TRPM8: variants seen among roughly 807,000 people sequenced by gnomAD.
The protein encoded by TRPM8 is TRPM8 cationic channel.
A neutral mutation model predicts 133.7 loss-of-function variants in TRPM8; 110 were observed. That is an observed-to-expected ratio of 0.82 (90% CI 0.70 to 0.96). The LOEUF is 0.96. TRPM8 is among the 40% of genes least tolerant of loss of function. The probability of loss-of-function intolerance (pLI) is 0.00; values close to 1 mark genes in which losing one functional copy is unlikely to be tolerated. For missense variants in TRPM8, 1,291 were observed against 1,379.5 expected (o/e 0.94, Z 1.02); for synonymous variants, 535 against 532.3 (o/e 1.01, Z -0.07).
At chr2:233,950,460 A>T (rs1465333638) in intron 9 of TRPM8, among the ~76,000 whole-genome samples, 1 of 152,246 alleles carries the variant, frequency 6.6e-6, no homozygotes, top group Non-Finnish European at 1.5e-5. Flanking sequence ...GAGACACAAG[A>T]ATCTGACAAA....
At chr2:233,978,081 C>CTTTAT (rs1553664210) in intron 17 of TRPM8, among the ~76,000 whole-genome samples, 1 of 126,958 alleles carries the variant, frequency 7.9e-6, no homozygotes. Context: ...TTACAATTTG[C>CTTTAT]TTTTTTTTTT....
At chr2:233,983,965 G>C (rs1692077811) in intron 20 of TRPM8, among the ~76,000 whole-genome samples, 1 of 152,148 alleles carries the variant, frequency 6.6e-6, no homozygotes, top group Admixed American at 6.5e-5. Context: ...CAAGACCTTA[G>C]AAACAGCTCT....
chr2:233,957,625 CA>C (rs1249610476), intron 11 of TRPM8, among the ~76,000 whole-genome samples: 1 of 152,010 alleles, frequency 6.6e-6, no homozygotes, highest in Non-Finnish European at 1.5e-5. Flanking sequence ...CAAAAGATAT[CA>C]TTTTTTAATT....
intron 21 of TRPM8, among the ~76,000 whole-genome samples, chr2:233,993,936 T>A (rs993261526): frequency 6.6e-6 from 1 of 152,238 alleles, no homozygotes; most frequent in African/African-American, 2.4e-5. Flanking sequence ...TAATCCATTT[T>A]TTGACTAGAT....
chr2:233,996,425 C>A lies in TRPM8; in HGVS notation c.3039C>A (p.Phe1013Leu). The A allele has an allele frequency of 6.2e-7, 1 of 1,614,198 alleles. No individual in the cohort carries two copies. Among genetic ancestry groups the A allele is most frequent in the South Asian group, 1.1e-5 (1 of 91,084 alleles). ...ACTGCAGCCGCCTCAATATCCCCTT[C>A]CCCTTCATCGTCTTCGCTTACTTCT... ...QEYCSRLNIP[F>L]PFIVFAYFYM... The change falls in exon 22 of 26, where the codon TTC becomes TTA. Residue 1013 changes from phenylalanine to leucine, a missense_variant. Phe to Leu is a conservative substitution (Grantham distance 22). Coordinates refer to ENST00000324695, the MANE Select transcript of TRPM8 (RefSeq NM_024080.5).
At position 233,994,328 on chromosome 2, in the gene TRPM8, C is replaced by T. The variant is rs78728938; in HGVS notation, c.2940-1998C>T. Among the ~76,000 whole-genome samples the T allele has an allele frequency of 4.2e-3, 646 of 152,248 alleles. 5 individuals are homozygous for T. The highest frequency in any genetic ancestry group is 0.018 in the East Asian group (91 of 5,176). On this transcript the variant is annotated intron_variant, in intron 21 of 25. Coordinates refer to ENST00000324695, the MANE Select transcript of TRPM8 (RefSeq NM_024080.5). The stretch of plus-strand genomic sequence containing the variant: ...CAGCCTGACCTACATTTGGAAGAAA[C>T]GCCAGGCTGGCTGCTAGATTTGACT...
intron 17 of TRPM8, among the ~76,000 whole-genome samples, chr2:233,972,568 G>A (rs1376256411): frequency 6.6e-6 from 1 of 152,244 alleles, no homozygotes; most frequent in Non-Finnish European, 1.5e-5. Flanking sequence ...CACTGAGGGG[G>A]TGGGAGGCTC....
At position 233,965,656 on chromosome 2, in the gene TRPM8, T is replaced by A. The variant is rs1691549181; in HGVS notation, c.1879+899T>A. Among the ~76,000 whole-genome samples the A allele has an allele frequency of 2.0e-5, 3 of 152,178 alleles. 1 individual carries two copies. ...TAAACATGCTCATGAGTTTAGCTTGTCCATGTTGGAAAAAAGATGTCTAAT... is the reference window on the plus strand; with the variant it reads ...TAAACATGCTCATGAGTTTAGCTTGACCATGTTGGAAAAAAGATGTCTAAT... On this transcript the variant is annotated intron_variant, in intron 14 of 25. Transcript: ENST00000324695.
At chr2:233,948,266 A>G (rs1231331603) in intron 8 of TRPM8, among the ~76,000 whole-genome samples, 4 of 152,206 alleles carry the variant, frequency 2.6e-5, no homozygotes, top group Non-Finnish European at 4.4e-5. Flanking sequence ...GAAATTTACA[A>G]TTGAGATCAT....
chr2:233,930,474 T>C (rs1173705001), intron 2 of TRPM8, among the ~76,000 whole-genome samples, 194 bp from the exon 3 acceptor site: 1 of 152,220 alleles, frequency 6.6e-6, no homozygotes, highest in African/African-American at 2.4e-5. Context: ...CATTTAGTTA[T>C]AAAAATTTTA....
At chr2:234,007,862 T>C (rs1021352714) in intron 23 of TRPM8, among the ~76,000 whole-genome samples, 9 of 152,240 alleles carry the variant, frequency 5.9e-5, no homozygotes, top group South Asian at 2.1e-4. Context: ...TGTGCTGCAC[T>C]TCTAATTGTG....
At chr2:234,000,898 G>A (rs1335264716) in intron 22 of TRPM8, among the ~76,000 whole-genome samples, 3 of 152,160 alleles carry the variant, frequency 2.0e-5, no homozygotes, top group Admixed American at 6.5e-5. Flanking sequence ...GAATGGTCTC[G>A]AACTCCTGGC....
chr2:233,976,994 AAAAAAAG>A (rs1487781401), intron 17 of TRPM8, among the ~76,000 whole-genome samples: 1 of 152,050 alleles, frequency 6.6e-6, no homozygotes, highest in Non-Finnish European at 1.5e-5. Context: ...TTGTTAGGGG[AAAAAAAG>A]AAAAAAGAAC....
intron 22 of TRPM8, among the ~76,000 whole-genome samples, chr2:233,998,477 T>G (rs1044432518): frequency 6.6e-6 from 1 of 152,142 alleles, no homozygotes; most frequent in East Asian, 1.9e-4. Context: ...CCAGTTAGGG[T>G]GAGCAGCCTG....
chr2:234,002,937 G>A (rs910890935), intron 22 of TRPM8, among the ~76,000 whole-genome samples: 4 of 152,098 alleles, frequency 2.6e-5, no homozygotes, highest in African/African-American at 9.7e-5. Flanking sequence ...GTTCCATAGA[G>A]GGCTGATTAT....
chr2:233,971,362 T>G (rs912203817), intron 17 of TRPM8, among the ~76,000 whole-genome samples: 3 of 152,230 alleles, frequency 2.0e-5, no homozygotes, highest in Admixed American at 6.5e-5. Context: ...CTAGCCGTCC[T>G]GGGTTGAGAA....
chr2:233,955,337 C>A lies in TRPM8; in HGVS notation c.1362+87C>A, dbSNP rs948954734. 5.5e-6 allele frequency: 5 copies of A among 910,836 alleles called. No homozygotes were observed. The African/African-American group carries it at 6.6e-5, about 12-fold the overall frequency. The allele number at this position is 910,836 out of a possible 1,614,324, so 56.4% of individuals were successfully genotyped here. On this transcript the variant is annotated intron_variant, in intron 11 of 25. Transcript: ENST00000324695. ...TCTGATCCATTTCCAACAAGGTCTT[C>A]AATACCAAATCTCTTAAAGGATTGT...
In TRPM8 at chr2:234,017,932, A is replaced by G. The variant is rs1294855502; in HGVS notation, c.*676A>G. ...TCCTAAATATGTGAAAAGTCGCCCA[A>G]AATGCAACCTTGAAAGGCACTACTG... On this transcript the variant is annotated 3_prime_UTR_variant, in exon 26 of 26. Coordinates refer to ENST00000324695, the MANE Select transcript of TRPM8 (RefSeq NM_024080.5). 2 of 152,166 alleles carry G rather than the reference A, an allele frequency of 1.3e-5. No homozygotes were observed. Among genetic ancestry groups the G allele is most frequent in the Non-Finnish European group, 2.9e-5 (2 of 68,048 alleles). The allele number at this position is 152,166 out of a possible 1,614,324, so 9.4% of individuals were successfully genotyped here.
intron 21 of TRPM8, 100 bp downstream of exon 21, chr2:233,985,965 A>G: frequency 2.6e-6 from 3 of 1,154,638 alleles, no homozygotes; most frequent in Non-Finnish European, 3.7e-6. Context: ...CCCTTGAGGA[A>G]CATACTTTAG....
Sources: allele counts gnomAD v4.1 joint callset (sites outside exome capture counted in the v4.1 genomes callset), GRCh38; gene constraint gnomAD v4.1.1; transcripts MANE v1.5; gene names NCBI Gene and HGNC (gene_info 2026-07-23, HGNC 2026-07-21).